Variants in VIT observed in about 807,000 individuals in gnomAD.
VIT encodes vitrin.
A neutral mutation model predicts 78.0 loss-of-function variants in VIT; 99 were observed. The ratio of observed to expected loss-of-function variants is 1.27; its 90% confidence interval spans 1.08 to 1.50. The LOEUF is 1.50. VIT is among the 40% of genes most tolerant of loss of function. VIT has a pLI of 0.00. For missense variants in VIT, 1,126 were observed against 875.3 expected, an observed-to-expected ratio of 1.29 and a Z score of -3.61; for synonymous variants, 374 against 334.3, an observed-to-expected ratio of 1.12 and a Z score of -1.29.
intron 2 of VIT, among the ~76,000 whole-genome samples, chr2:36,718,968 G>C (rs1666329163): frequency 6.6e-6 from 1 of 152,196 alleles, no homozygotes; most frequent in Non-Finnish European, 1.5e-5. Context: ...AGAATGGGTT[G>C]AGGGTGGGAC....
intron 3 of VIT, among the ~76,000 whole-genome samples, chr2:36,735,206 TG>T (rs1211503007): frequency 6.6e-6 from 1 of 151,808 alleles, no homozygotes; most frequent in African/African-American, 2.4e-5. Context: ...TAATCTGGCA[TG>T]GGGGTCTTAC....
At chr2:36,706,417 C>T (rs1665422932) in intron 1 of VIT, among the ~76,000 whole-genome samples, 1 of 152,180 alleles carries the variant, frequency 6.6e-6, no homozygotes, top group Admixed American at 6.5e-5. Context: ...CAATATCATG[C>T]ACAGGAGACA....
intron 1 of VIT, among the ~76,000 whole-genome samples, chr2:36,705,550 G>A (rs1178926605): frequency 6.6e-6 from 1 of 152,126 alleles, no homozygotes; most frequent in Non-Finnish European, 1.5e-5. Flanking sequence ...CATGCCACAT[G>A]GATCAACGAA....
At chr2:36,726,842 A>C (rs1429657060) in intron 2 of VIT, among the ~76,000 whole-genome samples, 2 of 144,362 alleles carry the variant, frequency 1.4e-5, no homozygotes, top group African/African-American at 5.2e-5. Flanking sequence ...AAAAAAAAAA[A>C]ACAAAACCTC....
At chr2:36,731,568 C>T (rs776065180) in intron 3 of VIT, among the ~76,000 whole-genome samples, 35 of 152,220 alleles carry the variant, frequency 2.3e-4, no homozygotes, top group Non-Finnish European at 4.7e-4. Flanking sequence ...CCACCGCAAC[C>T]GGCCATGTCT....
At chr2:36,812,861 C>CTTT (rs5830441) in intron 15 of VIT, among the ~76,000 whole-genome samples, 1 of 110,300 alleles carries the variant, frequency 9.1e-6, no homozygotes, top group African/African-American at 3.3e-5. Flanking sequence ...TTTTCTTCTT[C>CTTT]TTTTTTTTTT....
rs549489905 is a variant in VIT, at chr2:36,787,698, C to A, written c.1058+422C>A. 4 of 357,442 alleles carry A rather than the reference C, an allele frequency of 1.1e-5. No individual in the cohort carries two copies. In the Admixed American group the frequency reaches 1.2e-4, roughly 11 times the overall value. The allele number at this position is 357,442 out of a possible 1,614,324, so 22.1% of individuals were successfully genotyped here. On this transcript the variant is annotated intron_variant, in intron 12 of 15. Transcript: ENST00000379242. ...TACAGCATTTGTTTGAGGGACTCCACCCTGTGCTACAACCTATCCACCTAT... is the reference window on the plus strand; with the variant it reads ...TACAGCATTTGTTTGAGGGACTCCAACCTGTGCTACAACCTATCCACCTAT...
intron 13 of VIT, among the ~76,000 whole-genome samples, chr2:36,804,832 GAA>G (rs796835021): frequency 3.5e-4 from 49 of 141,176 alleles, no homozygotes; most frequent in Admixed American, 2.0e-3. Flanking sequence ...CTGTCTCAGG[GAA>G]AAAAAAAAAA....
At chr2:36,795,936 T>A (rs1300377755) in intron 12 of VIT, among the ~76,000 whole-genome samples, 1 of 152,160 alleles carries the variant, frequency 6.6e-6, no homozygotes, top group Non-Finnish European at 1.5e-5. Context: ...ACAATGCTAT[T>A]GGTTGTGAGC....
chr2:36,807,356 G>C (rs912006653), intron 14 of VIT, among the ~76,000 whole-genome samples: 26 of 152,154 alleles, frequency 1.7e-4, no homozygotes, highest in African/African-American at 5.5e-4. Flanking sequence ...GTTCAGTCCA[G>C]CTAGTCTCCC....
At chr2:36,756,118 C>T (rs952300597) in intron 5 of VIT, among the ~76,000 whole-genome samples, 6 of 151,876 alleles carry the variant, frequency 4.0e-5, no homozygotes, top group African/African-American at 4.8e-5. Flanking sequence ...CCACCATGCC[C>T]GGCTAATTTT....
At chr2:36,710,844 G>C (rs890121352) in intron 1 of VIT, among the ~76,000 whole-genome samples, 1 of 152,096 alleles carries the variant, frequency 6.6e-6, no homozygotes, top group African/African-American at 2.4e-5. Flanking sequence ...TGGAGCTATG[G>C]GAAACAAAGC....
intron 2 of VIT, among the ~76,000 whole-genome samples, chr2:36,729,018 T>G (rs1667032448): frequency 6.6e-6 from 1 of 152,116 alleles, no homozygotes; most frequent in Non-Finnish European, 1.5e-5. Flanking sequence ...GGTGTACCAC[T>G]TTTTATCTTT....
intron 4 of VIT, among the ~76,000 whole-genome samples, chr2:36,745,635 A>G (rs1668091254): frequency 1.3e-5 from 2 of 152,096 alleles, no homozygotes; most frequent in Admixed American, 1.3e-4. Flanking sequence ...CAGAAATGCT[A>G]CTGATTTTTA....
At chr2:36,756,568 A>C (rs188676271) in intron 5 of VIT, among the ~76,000 whole-genome samples, 164 of 152,246 alleles carry the variant, frequency 1.1e-3, no homozygotes, top group Non-Finnish European at 2.0e-3. Flanking sequence ...CAACAAACAG[A>C]CCTTTTACTA....
rs1553372934 is a variant in VIT, at chr2:36,765,435, A to AGAGAGAGAGAGAGAGAG, written c.488-1659_488-1658insGAGAGAGAGAGAGAGAG. Among the ~76,000 whole-genome samples the AGAGAGAGAGAGAGAGAG allele has an allele frequency of 1.1e-3, 151 of 135,366 alleles. 4 individuals carry two copies. The highest frequency in any genetic ancestry group is 3.0e-3 in the African/African-American group (109 of 36,574). The allele number at this position is 135,366 out of a possible 152,430, so 88.8% of individuals were successfully genotyped here. A position where few individuals can be genotyped will look rare whatever the true frequency, so the allele number is the denominator to read the frequency against. On this transcript the variant is annotated intron_variant, in intron 6 of 15. Transcript: ENST00000379242. The stretch of plus-strand genomic sequence containing the variant: ...CAGGCGAGAGAGAGAGAGAGAGAGA[A>AGAGAGAGAGAGAGAGAG]AGAGAGAGAGAGGAAAAACTGCCTT...
At chr2:36,806,616 G>A (rs926187672) in intron 14 of VIT, among the ~76,000 whole-genome samples, 9 of 152,062 alleles carry the variant, frequency 5.9e-5, no homozygotes, top group Non-Finnish European at 1.2e-4. Flanking sequence ...GCGCGATCTC[G>A]GCTCACTGCA....
intron 12 of VIT, among the ~76,000 whole-genome samples, chr2:36,791,761 G>C (rs1665519155): frequency 6.6e-6 from 1 of 152,200 alleles, no homozygotes; most frequent in African/African-American, 2.4e-5. Flanking sequence ...GCACAGCTCT[G>C]GCCACACCTT....
At chr2:36,750,486 G>A (rs567879781) in intron 4 of VIT, among the ~76,000 whole-genome samples, 1 of 152,244 alleles carries the variant, frequency 6.6e-6, no homozygotes, top group South Asian at 2.1e-4. Flanking sequence ...AGGCAGTATA[G>A]AGCCACAAGA....
Sources: gnomAD v4.1 joint callset for allele counts (sites outside exome capture counted in the v4.1 genomes callset) on GRCh38, gnomAD v4.1.1 for gene constraint, MANE v1.5 for transcripts, NCBI Gene and HGNC (gene_info 2026-07-23, HGNC 2026-07-21) for gene names.